Variants in THTPA observed in about 807,000 individuals in gnomAD.
THTPA encodes thiamine-triphosphatase.
In THTPA, 16 loss-of-function variants were observed where a neutral mutation model predicts 16.5. The ratio of observed to expected loss-of-function variants is 0.97; its 90% CI spans 0.66 to 1.47. The LOEUF (loss-of-function observed/expected upper bound fraction) is 1.47, where lower values mean the gene tolerates loss of function less well. THTPA is among the 40% of genes most tolerant of loss of function. The pLI is 0.00. For missense variants in THTPA, 281 were observed against 280.9 expected (o/e 1.00, Z 0.00); for synonymous variants, 110 against 115.5 (o/e 0.95, Z 0.30).
the THTPA span, chr14:23,531,422 TCCCCACATCCTGCTG>T: frequency 1.5e-6 from 2 of 1,346,142 alleles, no homozygotes; most frequent in Non-Finnish European, 1.9e-6. Context: ...GCCCCCCTGC[TCCCCACATCCTGCTG>T]CCCTCCCTGC....
At chr14:23,530,507 G>A in the THTPA span, 1 of 562,754 alleles carries the variant, frequency 1.8e-6, no homozygotes, top group Admixed American at 2.4e-5. Flanking sequence ...AATGACCCAG[G>A]AAATGGGAAG....
chr14:23,524,405 G>C, the THTPA span: 1 of 1,536,198 alleles, frequency 6.5e-7, no homozygotes, highest in Non-Finnish European at 8.7e-7. This position sits in a 1 kb window ranked among gnomAD's most constrained non-coding sequence, Gnocchi z 5.6. Flanking sequence ...TCCTCCCCCT[G>C]CTTCACTGCC....
At chr14:23,516,986 G>C in the THTPA span, among the ~76,000 whole-genome samples, 587 of 152,242 alleles carry the variant, frequency 3.9e-3, 3 homozygotes, top group African/African-American at 0.013. Flanking sequence ...TCAACCCCGG[G>C]TGCTGCATCA....
At chr14:23,522,629 G>T in the THTPA span, 2 of 1,535,178 alleles carry the variant, frequency 1.3e-6, no homozygotes, top group South Asian at 1.2e-5. Flanking sequence ...CCCAGCAGGG[G>T]GCAATGGAAA....
At chr14:23,531,710 G>A in the THTPA span, 1 of 1,360,520 alleles carries the variant, frequency 7.4e-7, no homozygotes, top group East Asian at 2.8e-5. Context: ...CTCCCTCCAT[G>A]TCCAGCAGAA....
the THTPA span, among the ~76,000 whole-genome samples, chr14:23,512,083 G>A: frequency 6.6e-6 from 1 of 151,870 alleles, no homozygotes; most frequent in Non-Finnish European, 1.5e-5. Flanking sequence ...CATCCCCTCT[G>A]CACCCCCAGC....
intron 1 of THTPA, 98 bp downstream of exon 1, chr14:23,557,402 A>C: frequency 7.4e-7 from 1 of 1,358,010 alleles, no homozygotes; most frequent in South Asian, 1.6e-5. Flanking sequence ...CTCCGGATTA[A>C]AAATTTTTTT....
the THTPA span, chr14:23,526,644 G>A: frequency 1.3e-6 from 2 of 1,536,016 alleles, no homozygotes; most frequent in South Asian, 2.4e-5. Context: ...TCAGGAAGAG[G>A]ATCTGGACTG....
Position 23,556,640 on chromosome 14 carries a change from C to A in THTPA, c.-118C>A. On this transcript the variant is annotated 5_prime_UTR_variant, in exon 1 of 2. Coordinates refer to ENST00000288014, the MANE Select transcript of THTPA (RefSeq NM_024328.6). ...CTAGAGACTATTGCGACACAGTGTG[C>A]CCCTCATAAGTTTTTCCAGGGAGGG... 1 of 1,034,222 alleles carries A rather than the reference C, an allele frequency of 9.7e-7. No individual in the cohort carries two copies. The highest frequency in any genetic ancestry group is 1.4e-6 in the Non-Finnish European group (1 of 723,600). 64.1% of individuals were successfully genotyped at this position (1,034,222 alleles called of 1,614,324 possible).
At chr14:23,533,651 C>T in the THTPA span, 45 of 1,537,102 alleles carry the variant, frequency 2.9e-5, no homozygotes, top group Non-Finnish European at 3.8e-5. This position sits in a 1 kb window ranked among gnomAD's most constrained non-coding sequence, Gnocchi z 4.8. Flanking sequence ...TCTTTGTCTC[C>T]CGCGGAGGGT....
chr14:23,552,177 G>C (rs536022683), upstream of THTPA, among the ~76,000 whole-genome samples: 1 of 151,876 alleles, frequency 6.6e-6, no homozygotes, highest in Non-Finnish European at 1.5e-5. Context: ...TTACTCTTTA[G>C]TCTCTGAGAG....
the THTPA span, chr14:23,530,048 C>T: frequency 7.3e-7 from 1 of 1,379,054 alleles, no homozygotes; most frequent in Non-Finnish European, 1.0e-6. Context: ...TTGCTGGGCT[C>T]CTGGATTACT....
In THTPA at chr14:23,556,854, G is replaced by C. The variant is rs774342538; in HGVS notation, c.97G>C (p.Val33Leu). ...GTTGGGGGGCACCCTGGAGTACCGG[G>C]TCACCTTCCGAGACACCTACTATGA... ...QELGGTLEYR[V>L]TFRDTYYDTP... Residue 33 changes from valine to leucine, a missense_variant, in exon 1 of 2, where the codon GTC becomes CTC. Coordinates refer to ENST00000288014, the MANE Select transcript of THTPA (RefSeq NM_024328.6). 20 of 1,612,998 alleles carry C rather than the reference G, an allele frequency of 1.2e-5. No homozygotes were observed. Among genetic ancestry groups the C allele is most frequent in the East Asian group, 2.2e-5 (1 of 44,856 alleles).
At chr14:23,557,375 A>G in intron 1 of THTPA, 71 bp downstream of exon 1, 1 of 1,438,340 alleles carries the variant, frequency 7.0e-7, no homozygotes, top group Non-Finnish European at 9.1e-7. Context: ...CTGCTGGACC[A>G]TGCAGTGGGG....
At chr14:23,553,789 G>A (rs1882144777), upstream of THTPA, among the ~76,000 whole-genome samples, 2 of 152,142 alleles carry the variant, frequency 1.3e-5, no homozygotes, top group Non-Finnish European at 1.5e-5. Flanking sequence ...ATCTACTTGG[G>A]AGGCTGAGGC....
chr14:23,530,438 TTTTATAGAA>T, the THTPA span: 13 of 673,826 alleles, frequency 1.9e-5, no homozygotes, highest in African/African-American at 3.5e-5. Context: ...GTTCCTGTCC[TTTTATAGAA>T]GTCCAGCAGT....
the THTPA span, chr14:23,523,565 T>G: frequency 1.3e-6 from 2 of 1,539,856 alleles, no homozygotes; most frequent in South Asian, 1.2e-5. The surrounding 1 kb of genome is among the most constrained non-coding windows in gnomAD (Gnocchi z 4.1). Context: ...GGCTGTCCCC[T>G]GTAGTTTGGC....
the THTPA span, chr14:23,533,829 C>T: frequency 6.5e-7 from 1 of 1,542,350 alleles, no homozygotes; most frequent in Non-Finnish European, 8.7e-7. This position sits in a 1 kb window ranked among gnomAD's most constrained non-coding sequence, Gnocchi z 4.8. Context: ...AGTTGTAGCT[C>T]TCTCCACGAG....
chr14:23,552,046 C>A (rs1882005289), upstream of THTPA, among the ~76,000 whole-genome samples: 1 of 152,194 alleles, frequency 6.6e-6, no homozygotes, highest in Non-Finnish European at 1.5e-5. Flanking sequence ...AAATCAGCTT[C>A]AGAACAAGCC....
Sources: allele counts gnomAD v4.1 joint callset (sites outside exome capture counted in the v4.1 genomes callset), GRCh38; gene constraint gnomAD v4.1.1; non-coding constraint Gnocchi (gnomAD v3.1); transcripts MANE v1.5; gene names NCBI Gene and HGNC (gene_info 2026-07-23, HGNC 2026-07-21).